The following IPO11 variants were observed in gnomAD, a reference collection of about 807,000 sequenced individuals.
IPO11 encodes the protein importin 11, also known as importin-11.
Under a neutral mutation model 143.2 loss-of-function variants are expected in IPO11, and 66 were observed. The ratio of observed to expected loss-of-function variants is 0.46; its 90% confidence interval spans 0.38 to 0.57. The LOEUF is 0.57. Ranked by LOEUF, IPO11 falls within the 20% of genes least tolerant of loss-of-function variation. The pLI is 0.00. For missense variants in IPO11, 1,026 were observed against 1,141.0 expected (o/e 0.90, Z 1.45); for synonymous variants, 385 against 377.8 (o/e 1.02, Z -0.22).
At chr5:62,570,629 T>C (rs915534914) in intron 27 of IPO11, among the ~76,000 whole-genome samples, 2 of 152,218 alleles carry the variant, frequency 1.3e-5, no homozygotes, top group African/African-American at 4.8e-5. Flanking sequence ...AATTTGTGTC[T>C]TCCATCTCCT....
intron 26 of IPO11, among the ~76,000 whole-genome samples, chr5:62,557,895 T>A (rs1743632214): frequency 6.6e-6 from 1 of 152,226 alleles, no homozygotes; most frequent in Non-Finnish European, 1.5e-5. Context: ...CTTCTCTGCC[T>A]TCTCTCCTCA....
rs565159561 is a variant in IPO11, at chr5:62,471,933, A to G, written c.708+1625A>G. Among the ~76,000 whole-genome samples the G allele has an allele frequency of 6.6e-5, 10 of 152,342 alleles. No homozygotes were observed. In the East Asian group the frequency reaches 1.9e-3, roughly 29 times the overall value. ...TTCCTAGAATTGAAAATGTTGGGTT[A>G]AGCATATGCCCCTCCACAGTATTGA... is the stretch of plus-strand genomic sequence containing the variant. On this transcript the variant is annotated intron_variant, in intron 7 of 29. Coordinates refer to ENST00000325324, the MANE Select transcript of IPO11 (RefSeq NM_016338.5).
At chr5:62,604,351 AGT>A (rs1745621117) in intron 29 of IPO11, among the ~76,000 whole-genome samples, 2 of 151,958 alleles carry the variant, frequency 1.3e-5, no homozygotes, top group South Asian at 4.2e-4. Context: ...TGGGACTACA[AGT>A]GTGTGCCACC....
In IPO11 at chr5:62,514,982, T is replaced by G. The variant is rs75910804; in HGVS notation, c.1783-406T>G. Among the ~76,000 whole-genome samples, 1,003 of 152,354 alleles carry G rather than the reference T, an allele frequency of 6.6e-3. 19 individuals carry two copies. Among genetic ancestry groups the G allele is most frequent in the African/African-American group, 0.023 (959 of 41,588 alleles). On this transcript the variant is annotated intron_variant, in intron 19 of 29. Coordinates refer to ENST00000325324, the MANE Select transcript of IPO11 (RefSeq NM_016338.5). ...TCCTTTTCTGTCCAGTGCCTTGTGT[T>G]CAGGGCCTGAAACTTGGAAGATATT...
chr5:62,505,964 C>T (rs551895895), intron 18 of IPO11, among the ~76,000 whole-genome samples: 4 of 152,050 alleles, frequency 2.6e-5, no homozygotes, highest in South Asian at 2.1e-4. Context: ...ACAGACATAG[C>T]GTAGACAATA....
chr5:62,441,444 C>A (rs1206588233), intron 2 of IPO11, among the ~76,000 whole-genome samples: 2 of 146,818 alleles, frequency 1.4e-5, no homozygotes, highest in East Asian at 2.0e-4. Flanking sequence ...TGATTTGTCC[C>A]CCTCGGCCTC....
At chr5:62,474,570 C>A in intron 8 of IPO11, 106 bp downstream of exon 8, 2 of 791,788 alleles carry the variant, frequency 2.5e-6, no homozygotes, top group Non-Finnish European at 4.1e-6. Context: ...GATGCTTATT[C>A]ATTAATAGCT....
At chr5:62,543,821 T>G (rs1395844194) in intron 24 of IPO11, among the ~76,000 whole-genome samples, 1 of 152,140 alleles carries the variant, frequency 6.6e-6, no homozygotes, top group East Asian at 1.9e-4. Context: ...CTGTGGGCAT[T>G]TAGTGCTATA....
chr5:62,591,317 A>T (rs1745002449), intron 27 of IPO11, among the ~76,000 whole-genome samples: 1 of 152,204 alleles, frequency 6.6e-6, no homozygotes, highest in Non-Finnish European at 1.5e-5. Flanking sequence ...TAAGACTGTT[A>T]TAAATCTAAG....
At chr5:62,559,337 A>T (rs79864076) in intron 26 of IPO11, among the ~76,000 whole-genome samples, 1,648 of 152,244 alleles carry the variant, frequency 0.011, 22 homozygotes, top group Non-Finnish European at 0.013. Flanking sequence ...CAGGCGAAGG[A>T]TAATGAACAG....
chr5:62,483,485 A>G (rs1320486920), intron 10 of IPO11, 192 bp downstream of exon 10: 5 of 455,820 alleles, frequency 1.1e-5, no homozygotes, highest in Non-Finnish European at 1.9e-5. Context: ...AGTGCATTTA[A>G]TAAGCCATTT....
At chr5:62,612,141 A>T (rs1745945417) in intron 29 of IPO11, among the ~76,000 whole-genome samples, 1 of 152,178 alleles carries the variant, frequency 6.6e-6, no homozygotes. Context: ...TGTTAAAATT[A>T]CGTTACATTC....
intron 29 of IPO11, among the ~76,000 whole-genome samples, chr5:62,617,700 C>A (rs1746194701): frequency 6.6e-6 from 1 of 151,838 alleles, no homozygotes; most frequent in South Asian, 2.1e-4. Flanking sequence ...TGAATGGAGA[C>A]AGTCCTAAAT....
chr5:62,590,766 A>G (rs1744981209), intron 27 of IPO11, among the ~76,000 whole-genome samples: 1 of 152,170 alleles, frequency 6.6e-6, no homozygotes, highest in East Asian at 1.9e-4. Flanking sequence ...AAAAATTTAA[A>G]AAACACTAAA....
intron 27 of IPO11, among the ~76,000 whole-genome samples, chr5:62,568,456 C>T (rs1474050664): frequency 6.6e-6 from 1 of 150,560 alleles, no homozygotes; most frequent in Non-Finnish European, 1.5e-5. Flanking sequence ...CACCTGTAAT[C>T]CCAGCTACTC....
At chr5:62,613,673 T>C (rs1025754438) in intron 29 of IPO11, among the ~76,000 whole-genome samples, 1 of 152,250 alleles carries the variant, frequency 6.6e-6, no homozygotes, top group African/African-American at 2.4e-5. Context: ...ATTCCTTCCC[T>C]TTGAAACTGG....
chr5:62,539,311 C>A (rs141176168), intron 24 of IPO11, among the ~76,000 whole-genome samples: 3 of 152,140 alleles, frequency 2.0e-5, no homozygotes, highest in Admixed American at 1.3e-4. Flanking sequence ...TTTGTAGATA[C>A]GTAATCCTGC....
At chr5:62,578,791 T>TGA in intron 27 of IPO11, 1 of 386,224 alleles carries the variant, frequency 2.6e-6, no homozygotes, top group Admixed American at 3.3e-5. Flanking sequence ...AAACGGTGAC[T>TGA]TAAAAAAAAA....
At chr5:62,543,713 C>T (rs1393349617) in intron 24 of IPO11, among the ~76,000 whole-genome samples, 2 of 152,094 alleles carry the variant, frequency 1.3e-5, no homozygotes, top group Admixed American at 1.3e-4. Context: ...TTAGTTACTT[C>T]TTGCCTTCTG....
Sources: gnomAD v4.1 joint callset for allele counts (sites outside exome capture counted in the v4.1 genomes callset) on GRCh38, gnomAD v4.1.1 for gene constraint, MANE v1.5 for transcripts, NCBI Gene and HGNC (gene_info 2026-07-23, HGNC 2026-07-21) for gene names.